The following GRM8 variants were observed in gnomAD, a reference collection of about 807,000 sequenced individuals.
GRM8 encodes glutamate metabotropic receptor 8.
GRM8 carries 47 observed loss-of-function variants against 87.2 expected under a neutral mutation model. The observed-to-expected ratio is 0.54, with a 90% CI of 0.43 to 0.69. The LOEUF is 0.69. Ranked by LOEUF, GRM8 falls within the 30% of genes least tolerant of loss-of-function variation. GRM8 has a pLI of 0.00. For missense variants in GRM8, 1,019 were observed against 1,139.2 expected, an observed-to-expected ratio of 0.89 and a Z score of 1.52; for synonymous variants, 396 against 404.5, an observed-to-expected ratio of 0.98 and a Z score of 0.25.
At chr7:126,812,394 C>T (rs1234068561) in intron 6 of GRM8, among the ~76,000 whole-genome samples, 1 of 151,858 alleles carries the variant, frequency 6.6e-6, no homozygotes, top group Admixed American at 6.6e-5. Context: ...CCCTAGCGCT[C>T]CTAGGCTGTA....
chr7:127,084,822 G>A (rs1823295265), intron 3 of GRM8: 2 of 152,126 alleles, frequency 1.3e-5, no homozygotes, highest in Admixed American at 1.3e-4. Flanking sequence ...GTTGTTTTTT[G>A]TTTTTAAATA....
intron 8 of GRM8, among the ~76,000 whole-genome samples, chr7:126,574,467 C>G (rs1794943711): frequency 6.6e-6 from 1 of 152,144 alleles, no homozygotes; most frequent in Non-Finnish European, 1.5e-5. Flanking sequence ...TTTGGAAAAC[C>G]ATGTATTCAT....
chr7:126,873,032 C>T (rs1207783511), intron 6 of GRM8, among the ~76,000 whole-genome samples: 1 of 152,022 alleles, frequency 6.6e-6, no homozygotes, highest in South Asian at 2.1e-4. Flanking sequence ...GCTAGGTGTT[C>T]ATACTCTCTA....
At chr7:127,151,755 A>G (rs1442892872) in intron 2 of GRM8, among the ~76,000 whole-genome samples, 1 of 152,092 alleles carries the variant, frequency 6.6e-6, no homozygotes, top group Non-Finnish European at 1.5e-5. Flanking sequence ...AGGCCTAGGG[A>G]CTTGTACTTT....
chr7:127,209,583 C>T (rs1012799612), intron 2 of GRM8, among the ~76,000 whole-genome samples: 14 of 152,138 alleles, frequency 9.2e-5, no homozygotes, highest in African/African-American at 3.4e-4. Flanking sequence ...ATCCCAGCAT[C>T]CTCCTCAAAT....
At chr7:126,952,086 G>C (rs1808225068) in intron 3 of GRM8, among the ~76,000 whole-genome samples, 1 of 151,048 alleles carries the variant, frequency 6.6e-6, no homozygotes, top group Non-Finnish European at 1.5e-5. Context: ...TAGAGCAGGA[G>C]GAAAAAAATA....
At chr7:126,600,360 A>G (rs1019859712) in intron 8 of GRM8, among the ~76,000 whole-genome samples, 4 of 152,088 alleles carry the variant, frequency 2.6e-5, no homozygotes, top group African/African-American at 9.7e-5. Flanking sequence ...TGCCTATAAG[A>G]AGGCCTGATT....
At chr7:126,450,254 C>T (rs1198807678) in intron 9 of GRM8, among the ~76,000 whole-genome samples, 2 of 151,852 alleles carry the variant, frequency 1.3e-5, no homozygotes, top group African/African-American at 4.8e-5. Context: ...CCACCACAGA[C>T]TCTGACATCC....
intron 3 of GRM8, among the ~76,000 whole-genome samples, chr7:127,013,776 C>G (rs1315353921): frequency 6.6e-6 from 1 of 152,054 alleles, no homozygotes; most frequent in African/African-American, 2.4e-5. Flanking sequence ...GGGAACTCTA[C>G]TGAAGGAATG....
chr7:127,024,569 C>T (rs543013166), intron 3 of GRM8, among the ~76,000 whole-genome samples: 12 of 152,180 alleles, frequency 7.9e-5, no homozygotes, highest in Middle Eastern at 3.4e-3. Context: ...ACACAAGAGA[C>T]GACATCTCTT....
At chr7:126,679,999 C>G (rs1807371212) in intron 7 of GRM8, among the ~76,000 whole-genome samples, 1 of 151,188 alleles carries the variant, frequency 6.6e-6, no homozygotes, top group Non-Finnish European at 1.5e-5. Context: ...CCAGTGCACT[C>G]CAGCCTGGCA....
chr7:126,965,306 T>TA (rs557052932), intron 3 of GRM8, among the ~76,000 whole-genome samples: 6 of 151,514 alleles, frequency 4.0e-5, no homozygotes, highest in East Asian at 1.9e-4. Context: ...ACTTAAATTT[T>TA]AAAAAAAAGA....
At chr7:126,525,227 G>T (rs925880150) in intron 9 of GRM8, among the ~76,000 whole-genome samples, 4 of 152,200 alleles carry the variant, frequency 2.6e-5, no homozygotes, top group Non-Finnish European at 5.9e-5. Context: ...CAAGCAAGCA[G>T]CCTGGAACTT....
Position 126,453,585 on chromosome 7 carries a change from T to C in GRM8, c.2431-7213A>G, listed in dbSNP as rs148743885. On this transcript the variant is annotated intron_variant, in intron 9 of 10. Transcript: ENST00000339582. Reference sequence around the variant, plus strand: ...AGCAGAATATCAGCTTCTCTAATGATAGGAAAGAACCACGTAAGGAAGCTC... The same window carrying C: ...AGCAGAATATCAGCTTCTCTAATGACAGGAAAGAACCACGTAAGGAAGCTC... Among the ~76,000 whole-genome samples, 964 of 151,734 alleles carry C rather than the reference T, an allele frequency of 6.4e-3. 11 individuals are homozygous for C. Among genetic ancestry groups the C allele is most frequent in the African/African-American group, 0.023 (934 of 41,448 alleles).
chr7:126,891,854 T>A (rs1385801675), intron 6 of GRM8, among the ~76,000 whole-genome samples: 1 of 151,968 alleles, frequency 6.6e-6, no homozygotes, highest in Non-Finnish European at 1.5e-5. Flanking sequence ...TGACATCTAA[T>A]AGCTAGTGCT....
intron 3 of GRM8, among the ~76,000 whole-genome samples, chr7:126,906,885 C>A (rs979484513): frequency 6.6e-6 from 1 of 152,152 alleles, no homozygotes; most frequent in Non-Finnish European, 1.5e-5. Context: ...TATACTACCA[C>A]TAGTTGTGAT....
rs530821386 is a variant in GRM8 at position 127,033,456 on chromosome 7, T to C, written c.727+73040A>G. Among the ~76,000 whole-genome samples, 27 of 152,286 alleles carry C rather than the reference T, an allele frequency of 1.8e-4. No homozygotes were observed. The South Asian group carries it at 5.6e-3, about 32-fold the overall frequency. On this transcript the variant is annotated intron_variant, in intron 3 of 10. Transcript: ENST00000339582. ...AGTAGTAGAAATATCTAAACATTTA[T>C]TGAGCACCTATGTACCATGAACTGA...
intron 3 of GRM8, among the ~76,000 whole-genome samples, chr7:127,004,670 C>T (rs540041671): frequency 5.3e-5 from 8 of 151,556 alleles, no homozygotes; most frequent in Non-Finnish European, 1.2e-4. Context: ...AATAACTTGG[C>T]TATCAGTTCT....
intron 7 of GRM8, among the ~76,000 whole-genome samples, chr7:126,710,743 A>G (rs1339343184): frequency 6.6e-6 from 1 of 152,196 alleles, no homozygotes; most frequent in Non-Finnish European, 1.5e-5. Flanking sequence ...GTTAATGTTT[A>G]TATTTTGGGC....
Sources: allele counts gnomAD v4.1 joint callset (sites outside exome capture counted in the v4.1 genomes callset), GRCh38; gene constraint gnomAD v4.1.1; transcripts MANE v1.5; gene names NCBI Gene and HGNC (gene_info 2026-07-23, HGNC 2026-07-21).